The following CR2 variants were observed in gnomAD, a reference collection of about 807,000 sequenced individuals.
The protein encoded by CR2 is complement receptor type 2.
Under a neutral mutation model 123.0 loss-of-function variants are expected in CR2, and 96 were observed. That is an observed-to-expected ratio of 0.78 (90% CI 0.66 to 0.93). The LOEUF is 0.93. Ranked by LOEUF, CR2 falls within the 40% of genes least tolerant of loss-of-function variation. The pLI is 0.00. For synonymous variants in CR2, 484 were observed against 469.5 expected (o/e 1.03, Z -0.40); for missense variants, 1,258 against 1,361.0 (o/e 0.92, Z 1.19).
intron 1 of CR2, among the ~76,000 whole-genome samples, chr1:207,461,742 G>A (rs311309): frequency 0.97 from 147,453 of 152,274 alleles, 71,571 homozygotes; most frequent in East Asian, 1. Context: ...GGCATTCTTT[G>A]TCACCTCCCT....
chr1:207,488,774 C>T (rs1658815456), intron 19 of CR2, among the ~76,000 whole-genome samples: 1 of 152,070 alleles, frequency 6.6e-6, no homozygotes, highest in Non-Finnish European at 1.5e-5. Context: ...AAAAGGTAAC[C>T]TGCTGCTGGT....
At chr1:207,479,392 C>G in intron 17 of CR2, 112 bp downstream of exon 17, 1 of 769,494 alleles carries the variant, frequency 1.3e-6, no homozygotes, top group Non-Finnish European at 2.2e-6. Flanking sequence ...AGGGAATGTT[C>G]TCTTTTTGGT....
intron 18 of CR2, among the ~76,000 whole-genome samples, chr1:207,480,578 G>C (rs1391448555): frequency 2.0e-5 from 3 of 151,966 alleles, no homozygotes; most frequent in Non-Finnish European, 4.4e-5. Context: ...AGCACCTCTG[G>C]CTAAACCTTT....
rs148092679 is a variant in CR2, at chr1:207,478,050, C to A, written c.3068C>A (p.Pro1023His). The A allele has an allele frequency of 2.9e-5, 47 of 1,613,742 alleles. No homozygotes were observed. The highest frequency in any genetic ancestry group is 3.9e-5 in the Non-Finnish European group (46 of 1,179,924). ...CAATCGGATCACCAATGGAACCCTC[C>A]CCTGGCGGTTTGCAGATCCCGTAAG... The part of the protein sequence containing the change: ...QCQSDHQWNP[P>H]LAVCRSRSLA... Residue 1023 changes from proline to histidine, a missense_variant, in exon 16 of 20, where the codon CCC (proline) becomes CAC (histidine). Coordinates refer to ENST00000367057, the MANE Select transcript of CR2 (RefSeq NM_001006658.3).
intron 18 of CR2, among the ~76,000 whole-genome samples, chr1:207,481,590 TG>T (rs1658604212): frequency 6.6e-6 from 1 of 152,144 alleles, no homozygotes; most frequent in East Asian, 1.9e-4. Context: ...CTTAGATCAT[TG>T]ATAGGAAGTG....
At chr1:207,479,949 A>G (rs777121943) in intron 17 of CR2, 29 bp from the exon 18 acceptor site, 8 of 1,562,336 alleles carry the variant, frequency 5.1e-6, no homozygotes, top group Non-Finnish European at 7.1e-6. Flanking sequence ...GTCTTCTGGC[A>G]TTTGATACTT....
At chr1:207,457,316 A>T (rs1027088718) in intron 1 of CR2, among the ~76,000 whole-genome samples, 1 of 152,210 alleles carries the variant, frequency 6.6e-6, no homozygotes, top group Admixed American at 6.5e-5. Context: ...TCCTGTATTC[A>T]TGATCATGTT....
At chr1:207,486,911 T>A (rs1233273987) in intron 19 of CR2, among the ~76,000 whole-genome samples, 1 of 152,206 alleles carries the variant, frequency 6.6e-6, no homozygotes, top group Non-Finnish European at 1.5e-5. Context: ...TCTAATAGAC[T>A]TGGCAAGAAG....
Position 207,466,711 on chromosome 1 carries a change from T to A in CR2, c.244T>A (p.Cys82Ser). ...AACCTGGGATAAACCTGCTCCTAAATGTGAATATTTCAATAAATATTCTTC... is the reference window on the plus strand; with the variant it reads ...AACCTGGGATAAACCTGCTCCTAAAAGTGAATATTTCAATAAATATTCTTC... ...DGTWDKPAPK[C>S]EYFNKYSSCP... The change falls in exon 2 of 20, where the codon TGT becomes AGT. Residue 82 changes from cysteine (C) to serine (S), a missense_variant. Cys to Ser is a moderately radical substitution (Grantham distance 112, BLOSUM62 -1). Transcript: ENST00000367057. The A allele has an allele frequency of 6.2e-7, 1 of 1,614,104 alleles. No homozygotes were observed. The highest frequency in any genetic ancestry group is 2.2e-5 in the East Asian group (1 of 44,888).
chr1:207,469,894 C>G lies in CR2; in HGVS notation c.1017C>G (p.Ala339=), dbSNP rs762408649. ...AGACTGGGACCTGGAGTGGCCCTGC[C>G]CCACGCTGTGAACTTTCTACTTCTG... ...SQKTGTWSGP[A]PRCELSTSAV... The change falls in exon 6 of 20, where the codon GCC becomes GCG. Residue 339 remains alanine (A), a synonymous_variant. Coordinates refer to ENST00000367057, the MANE Select transcript of CR2 (RefSeq NM_001006658.3). 12 of 1,613,842 alleles carry G rather than the reference C, an allele frequency of 7.4e-6. No homozygotes were observed. Among genetic ancestry groups the G allele is most frequent in the Middle Eastern group, 1.6e-4 (1 of 6,078 alleles).
intron 16 of CR2, among the ~76,000 whole-genome samples, chr1:207,478,710 C>T: frequency 6.6e-6 from 1 of 151,740 alleles, no homozygotes. Context: ...CTGCATAGAC[C>T]ACCCTACGTG....
In CR2 at chr1:207,476,220, T is replaced by G. The variant is rs777605873; in HGVS notation, c.2717-14T>G. ...CTGTGCTGAGTTAAAGACCCTTTCT[T>G]ATTGGTGTCTAAGCCTTCATAGGGT... is the stretch of plus-strand genomic sequence containing the variant. On this transcript the variant is annotated splice_polypyrimidine_tract_variant and intron_variant, in intron 14 of 19. Transcript: ENST00000367057. 3 of 1,612,924 alleles carry G rather than the reference T, an allele frequency of 1.9e-6. No homozygotes were observed. In the East Asian group the frequency reaches 6.7e-5, roughly 36 times the overall value.
intron 16 of CR2, among the ~76,000 whole-genome samples, chr1:207,478,458 G>T (rs1658503846): frequency 6.9e-6 from 1 of 144,174 alleles, no homozygotes; most frequent in African/African-American, 2.6e-5. Flanking sequence ...AGCCCAGGAG[G>T]TTGAAGCTGC....
At chr1:207,475,319 G>T in intron 14 of CR2, 103 bp downstream of exon 14, 1 of 1,258,742 alleles carries the variant, frequency 7.9e-7, no homozygotes, top group African/African-American at 1.5e-5. Flanking sequence ...GCATCTAAGA[G>T]CTAAGGCAGT....
Position 207,489,516 on chromosome 1 carries a change from A to T in CR2, c.*393A>T, listed in dbSNP as rs1658831905. 1.3e-5 allele frequency: 2 copies of T among 152,298 alleles called. No individual in the cohort carries two copies. The highest frequency in any genetic ancestry group is 4.1e-4 in the South Asian group (2 of 4,820). The allele number at this position is 152,298 out of a possible 1,614,324, so 9.4% of individuals were successfully genotyped here. A position where few individuals can be genotyped will look rare whatever the true frequency, so the allele number is the denominator to read the frequency against. On this transcript the variant is annotated 3_prime_UTR_variant, in exon 20 of 20. Coordinates refer to ENST00000367057, the MANE Select transcript of CR2 (RefSeq NM_001006658.3). ...ATGTTACTATCTGCTTTTGGTTATA[A>T]TGTGTTTTTAATTATCTAAAGTATG... is the stretch of plus-strand genomic sequence containing the variant.
rs199538918 is a variant in CR2 at position 207,470,113 on chromosome 1, C to A, written c.1225+11C>A. ...CAGTCTGTGAAAAGGGTGAGTGTTC[C>A]GGTACTCAGAAAAGGTGCTTCTGAT... On this transcript the variant is annotated intron_variant, in intron 6 of 19. Transcript: ENST00000367057. The A allele has an allele frequency of 1.2e-5, 19 of 1,612,858 alleles. No homozygotes were observed. The highest frequency in any genetic ancestry group is 1.4e-5 in the Non-Finnish European group (17 of 1,179,780).
chr1:207,470,938 C>T (rs1389657307), intron 7 of CR2, 22 bp downstream of exon 7: 25 of 1,613,782 alleles, frequency 1.5e-5, no homozygotes, highest in East Asian at 2.2e-5. Context: ...CAAATGTAGA[C>T]ATTTTGTTAA....
intron 1 of CR2, 122 bp from the exon 2 acceptor site, chr1:207,466,402 CTA>C: frequency 8.9e-7 from 1 of 1,126,510 alleles, no homozygotes; most frequent in Non-Finnish European, 1.3e-6. Flanking sequence ...AATAAATAAA[CTA>C]TACATATTTC....
intron 2 of CR2, among the ~76,000 whole-genome samples, chr1:207,467,718 C>A (rs528287290): frequency 1.3e-5 from 2 of 152,048 alleles, no homozygotes; most frequent in Non-Finnish European, 2.9e-5. Flanking sequence ...GAGATCTTAA[C>A]GATAGTTACA....
Sources: allele counts gnomAD v4.1 joint callset (sites outside exome capture counted in the v4.1 genomes callset), GRCh38; gene constraint gnomAD v4.1.1; transcripts MANE v1.5; gene names NCBI Gene and HGNC (gene_info 2026-07-23, HGNC 2026-07-21).